The following PRRX2 variants were observed in gnomAD, a reference collection of about 807,000 sequenced individuals.
PRRX2 encodes paired related homeobox 2.
A neutral mutation model predicts 18.0 loss-of-function variants in PRRX2; 11 were observed. That is an observed-to-expected ratio of 0.61 (90% CI 0.39 to 1.01). The LOEUF (loss-of-function observed/expected upper bound fraction) is 1.01. Among genes scored for constraint, PRRX2 ranks in the 50% least tolerant of loss-of-function variants. The pLI is 0.01. For missense variants in PRRX2, 387 were observed against 351.0 expected (o/e 1.10, Z -0.82); for synonymous variants, 177 against 154.8 (o/e 1.14, Z -1.06).
At chr9:129,682,627 C>T (rs753937804) in intron 1 of PRRX2, among the ~76,000 whole-genome samples, 1 of 152,178 alleles carries the variant, frequency 6.6e-6, no homozygotes, top group East Asian at 1.9e-4. Context: ...GGAGTGTCTC[C>T]ACCCCCTCTC....
chr9:129,679,857 AG>A (rs1832205353), intron 1 of PRRX2, among the ~76,000 whole-genome samples: 2 of 152,154 alleles, frequency 1.3e-5, no homozygotes, highest in South Asian at 4.1e-4. Flanking sequence ...GCACCCCTCC[AG>A]GGCCTCCGTT....
At chr9:129,712,127 T>C (rs577987991) in intron 1 of PRRX2, among the ~76,000 whole-genome samples, 1 of 152,232 alleles carries the variant, frequency 6.6e-6, no homozygotes, top group Non-Finnish European at 1.5e-5. Flanking sequence ...CAGTGTTAAT[T>C]TGTTAAATCC....
Position 129,665,679 on chromosome 9 carries a change from T to G in PRRX2, c.-189T>G. The G allele has an allele frequency of 4.1e-6, 1 of 245,794 alleles. No homozygotes were observed. Among genetic ancestry groups the G allele is most frequent in the African/African-American group, 2.3e-5 (1 of 43,146 alleles). The allele number at this position is 245,794 out of a possible 1,614,324, so 15.2% of individuals were successfully genotyped here. ...CCAGCGGCTCCGGAGCGAGCGGCCG[T>G]GGCTGAGAAGGGGAGGGCGGAAAGT... On this transcript the variant is annotated 5_prime_UTR_variant, in exon 1 of 4. Coordinates refer to ENST00000372469, the MANE Select transcript of PRRX2 (RefSeq NM_016307.4). This position sits in a 1 kb window ranked among gnomAD's most constrained non-coding sequence, Gnocchi z 5.3.
In PRRX2 at chr9:129,671,624, C is replaced by A. The variant is rs149884962; in HGVS notation, c.259+5498C>A. Among the ~76,000 whole-genome samples the A allele has an allele frequency of 6.6e-6, 1 of 152,334 alleles. No homozygotes were observed. The highest frequency in any genetic ancestry group is 1.5e-5 in the Non-Finnish European group (1 of 68,032). On this transcript the variant is annotated intron_variant, in intron 1 of 3. Coordinates refer to ENST00000372469, the MANE Select transcript of PRRX2 (RefSeq NM_016307.4). This position sits in a 1 kb window ranked among gnomAD's most constrained non-coding sequence, Gnocchi z 4.0. The stretch of plus-strand genomic sequence containing the variant: ...GGGATAGGAACAAGGGCTGTGGTAT[C>A]CCTCAAAGGGCGTGTCGAGCCCTGA...
At chr9:129,719,564 T>C in intron 2 of PRRX2, 146 bp downstream of exon 2, 1 of 1,059,222 alleles carries the variant, frequency 9.4e-7, no homozygotes, top group Non-Finnish European at 1.3e-6. Flanking sequence ...ATCCCAGCCC[T>C]GCCACTTACT....
rs562980783 is a variant in PRRX2, at chr9:129,675,702, G to C, written c.259+9576G>C. On this transcript the variant is annotated intron_variant, in intron 1 of 3. Coordinates refer to ENST00000372469, the MANE Select transcript of PRRX2 (RefSeq NM_016307.4). This position sits in a 1 kb window ranked among gnomAD's most constrained non-coding sequence, Gnocchi z 4.4. ...CGTGGGCGCAGACGTTTACACGCCA[G>C]AGATGGCGTTATTAAAAATGACATT... 2.0e-5 allele frequency among the ~76,000 whole-genome samples: 3 copies of C among 151,230 alleles called. No homozygotes were observed. The East Asian group carries it at 5.9e-4, about 30-fold the overall frequency.
chr9:129,679,125 C>T (rs961901412), intron 1 of PRRX2, among the ~76,000 whole-genome samples: 1 of 152,184 alleles, frequency 6.6e-6, no homozygotes. Context: ...TGTCCAGGCA[C>T]TGGGGAGCCA....
chr9:129,686,112 C>G (rs1030937139), intron 1 of PRRX2, among the ~76,000 whole-genome samples: 1 of 152,114 alleles, frequency 6.6e-6, no homozygotes, highest in African/African-American at 2.4e-5. Context: ...TAAGGAAGGC[C>G]AGGATGGCTT....
At chr9:129,716,202 C>T (rs1832705052) in intron 1 of PRRX2, among the ~76,000 whole-genome samples, 1 of 152,156 alleles carries the variant, frequency 6.6e-6, no homozygotes. Flanking sequence ...CCTAAATATA[C>T]ACTGGCAAAA....
chr9:129,721,875 T>A (rs1465848578), intron 3 of PRRX2, among the ~76,000 whole-genome samples: 1 of 151,860 alleles, frequency 6.6e-6, no homozygotes, highest in East Asian at 1.9e-4. Flanking sequence ...GCCACCACGC[T>A]TGGCCCCAAG....
chr9:129,678,589 C>T (rs1188412172), intron 1 of PRRX2, among the ~76,000 whole-genome samples: 1 of 151,984 alleles, frequency 6.6e-6, no homozygotes, highest in Non-Finnish European at 1.5e-5. Context: ...GAGGGCACGC[C>T]GGGTGGAGGA....
At chr9:129,667,992 G>T (rs1832048216) in intron 1 of PRRX2, among the ~76,000 whole-genome samples, 1 of 152,190 alleles carries the variant, frequency 6.6e-6, no homozygotes, top group Non-Finnish European at 1.5e-5. Context: ...GGGATCAGGT[G>T]GGGTGGGGTC....
chr9:129,719,901 C>T (rs1832766667), intron 2 of PRRX2, among the ~76,000 whole-genome samples: 1 of 152,160 alleles, frequency 6.6e-6, no homozygotes, highest in Admixed American at 6.5e-5. Context: ...GCAGGAGAAT[C>T]GCTTGAACTC....
chr9:129,694,917 G>C (rs552252392), intron 1 of PRRX2, among the ~76,000 whole-genome samples: 1 of 152,280 alleles, frequency 6.6e-6, no homozygotes, highest in East Asian at 1.9e-4. Flanking sequence ...CTGGCCTGGG[G>C]GATTCAGCCA....
In PRRX2 at chr9:129,720,794, T is replaced by C. The variant is rs1214431123; in HGVS notation, c.626+20T>C. 4 of 1,536,530 alleles carry C rather than the reference T, an allele frequency of 2.6e-6. No individual in the cohort carries two copies. Among genetic ancestry groups the C allele is most frequent in the Non-Finnish European group, 3.5e-6 (4 of 1,139,696 alleles). On this transcript the variant is annotated intron_variant, in intron 3 of 3. Transcript: ENST00000372469. ...CTACAGGTGAGAGCGGGAACACCTT[T>C]GGGCCAGGAAGGGGCAGCTCGAGGA...
chr9:129,721,665 C>T (rs933115955), intron 3 of PRRX2, among the ~76,000 whole-genome samples: 2 of 152,078 alleles, frequency 1.3e-5, no homozygotes, highest in Non-Finnish European at 2.9e-5. Context: ...CTGCAACCTC[C>T]GCCTCCCAGG....
chr9:129,672,807 G>A (rs1832115607), intron 1 of PRRX2, among the ~76,000 whole-genome samples: 1 of 152,170 alleles, frequency 6.6e-6, no homozygotes, highest in Admixed American at 6.5e-5. Flanking sequence ...CACGAGAGCT[G>A]TGGAGGGTCC....
chr9:129,683,662 G>A (rs970813030), intron 1 of PRRX2, among the ~76,000 whole-genome samples: 2 of 152,134 alleles, frequency 1.3e-5, no homozygotes, highest in Admixed American at 6.5e-5. Flanking sequence ...GGGAACCCGG[G>A]AGGCGGAGCT....
At chr9:129,668,844 C>T (rs1435722969) in intron 1 of PRRX2, among the ~76,000 whole-genome samples, 1 of 150,150 alleles carries the variant, frequency 6.7e-6, no homozygotes, top group African/African-American at 2.5e-5. Context: ...AGAGGGAGTG[C>T]CCCCATTAGA....
Sources: gnomAD v4.1 joint callset for allele counts (sites outside exome capture counted in the v4.1 genomes callset) on GRCh38, gnomAD v4.1.1 for gene constraint, Gnocchi (gnomAD v3.1) non-coding constraint, MANE v1.5 for transcripts, NCBI Gene and HGNC (gene_info 2026-07-23, HGNC 2026-07-21) for gene names.